THSD4: variants seen among roughly 807,000 people sequenced by gnomAD.
The protein encoded by THSD4 is thrombospondin type 1 domain containing 4, also known as thrombospondin type-1 domain-containing protein 4.
THSD4 carries 69 observed loss-of-function variants against 119.0 expected under a neutral mutation model. That is an observed-to-expected ratio of 0.58 (90% confidence interval 0.48 to 0.71). The LOEUF is 0.71. THSD4 is among the 30% of genes least tolerant of loss of function. The pLI, the probability that THSD4 is intolerant of heterozygous loss-of-function variation, is 0.00. For missense variants in THSD4, 1,393 were observed against 1,391.1 expected (o/e 1.00, Z -0.02); for synonymous variants, 524 against 540.4 (o/e 0.97, Z 0.42).
intron 8 of THSD4, among the ~76,000 whole-genome samples, chr15:71,667,413 CATA>C (rs1317738584): frequency 6.6e-6 from 1 of 152,124 alleles, no homozygotes; most frequent in Non-Finnish European, 1.5e-5. Flanking sequence ...AGAAATCAGA[CATA>C]AAAGCATACC....
chr15:71,383,123 A>G (rs1349316393), intron 6 of THSD4, among the ~76,000 whole-genome samples: 1 of 152,156 alleles, frequency 6.6e-6, no homozygotes, highest in African/African-American at 2.4e-5. Flanking sequence ...GCTTATTATA[A>G]TTTCTGTCTT....
chr15:71,573,601 T>G (rs2049398580), intron 7 of THSD4, among the ~76,000 whole-genome samples: 1 of 152,198 alleles, frequency 6.6e-6, no homozygotes, highest in African/African-American at 2.4e-5. Flanking sequence ...CACCATACTG[T>G]TTTAATGTAA....
At chr15:71,662,715 G>C (rs902044948) in intron 8 of THSD4, among the ~76,000 whole-genome samples, 2 of 152,086 alleles carry the variant, frequency 1.3e-5, no homozygotes, top group African/African-American at 2.4e-5. Flanking sequence ...AGCTCTCGGA[G>C]GCTTGTTGTT....
chr15:71,752,981 A>G (rs2053476061), intron 14 of THSD4, among the ~76,000 whole-genome samples: 1 of 152,246 alleles, frequency 6.6e-6, no homozygotes, highest in Non-Finnish European at 1.5e-5. Flanking sequence ...CACCTGTTAC[A>G]TGCCAGTCAT....
intron 14 of THSD4, among the ~76,000 whole-genome samples, chr15:71,750,719 A>G (rs1027616976): frequency 1.3e-5 from 2 of 152,216 alleles, no homozygotes; most frequent in Non-Finnish European, 1.5e-5. Context: ...GCCATCTGGG[A>G]GGCTCTAACC....
intron 6 of THSD4, among the ~76,000 whole-genome samples, chr15:71,268,893 C>T (rs1264896739): frequency 6.6e-6 from 1 of 152,142 alleles, no homozygotes; most frequent in Non-Finnish European, 1.5e-5. Context: ...GATGAATACA[C>T]CCTTCCAAGA....
intron 8 of THSD4, among the ~76,000 whole-genome samples, chr15:71,727,784 A>C (rs1178328186): frequency 7.8e-6 from 1 of 127,892 alleles, no homozygotes; most frequent in Non-Finnish European, 1.7e-5. Flanking sequence ...AAAAAAGGGG[A>C]GGGCTGGGAG....
intron 8 of THSD4, among the ~76,000 whole-genome samples, chr15:71,720,373 T>C (rs1206214234): frequency 2.0e-5 from 3 of 152,194 alleles, no homozygotes; most frequent in Non-Finnish European, 1.5e-5. Context: ...AACATTAAAA[T>C]AGGAGAACTC....
At chr15:71,689,050 C>G (rs2051986125) in intron 8 of THSD4, among the ~76,000 whole-genome samples, 2 of 152,224 alleles carry the variant, frequency 1.3e-5, no homozygotes, top group Admixed American at 1.3e-4. Flanking sequence ...TCCCCACACT[C>G]TGCAACTGTA....
intron 7 of THSD4, among the ~76,000 whole-genome samples, chr15:71,434,277 C>T (rs2046977734): frequency 6.6e-6 from 1 of 152,028 alleles, no homozygotes; most frequent in South Asian, 2.1e-4. Context: ...TACATGTAAA[C>T]ATAGCATGTA....
intron 6 of THSD4, among the ~76,000 whole-genome samples, chr15:71,309,380 C>T (rs947906773): frequency 3.3e-5 from 5 of 152,142 alleles, no homozygotes; most frequent in African/African-American, 9.7e-5. Context: ...AAAGTGTAAG[C>T]GTTCTTTATA....
chr15:71,545,103 A>G (rs557874623), intron 7 of THSD4, among the ~76,000 whole-genome samples: 1 of 152,348 alleles, frequency 6.6e-6, no homozygotes, highest in Admixed American at 6.5e-5. Flanking sequence ...GCTGCACAAC[A>G]TTGTGAATGT....
intron 6 of THSD4, among the ~76,000 whole-genome samples, chr15:71,306,727 G>C (rs962060625): frequency 6.6e-6 from 1 of 152,168 alleles, no homozygotes; most frequent in Non-Finnish European, 1.5e-5. Context: ...ACAATGCATA[G>C]TGCAGAGTAT....
chr15:71,472,003 C>G (rs545979223), intron 7 of THSD4, among the ~76,000 whole-genome samples: 1 of 152,284 alleles, frequency 6.6e-6, no homozygotes, highest in East Asian at 1.9e-4. Flanking sequence ...CAGCCTCAAC[C>G]TCCTGGGCTC....
intron 15 of THSD4, among the ~76,000 whole-genome samples, chr15:71,760,958 T>A (rs2053618200): frequency 1.3e-5 from 2 of 152,220 alleles, no homozygotes; most frequent in South Asian, 4.1e-4. Context: ...TTTTCAAACG[T>A]TCTATGTATT....
intron 8 of THSD4, among the ~76,000 whole-genome samples, chr15:71,695,970 T>C (rs567721216): frequency 1.3e-5 from 2 of 152,360 alleles, no homozygotes; most frequent in Non-Finnish European, 2.9e-5. Context: ...AAAATGATTG[T>C]GATAACTAAA....
intron 1 of THSD4, among the ~76,000 whole-genome samples, chr15:71,134,644 G>T (rs2040532933): frequency 6.6e-6 from 1 of 152,248 alleles, no homozygotes; most frequent in African/African-American, 2.4e-5. Flanking sequence ...AAGGGCATTT[G>T]TAAAGAGGAC....
intron 6 of THSD4, among the ~76,000 whole-genome samples, chr15:71,373,553 T>C (rs971221276): frequency 1.3e-5 from 2 of 152,198 alleles, no homozygotes; most frequent in Admixed American, 6.5e-5. Context: ...AACCCAACTA[T>C]ATTTTTGGGA....
chr15:71,688,640 A>G (rs2051969741), intron 8 of THSD4, among the ~76,000 whole-genome samples: 1 of 150,560 alleles, frequency 6.6e-6, no homozygotes, highest in Non-Finnish European at 1.5e-5. Flanking sequence ...TCCCTGTTTA[A>G]TCATCTTCAT....
Sources: gnomAD v4.1 joint callset for allele counts (sites outside exome capture counted in the v4.1 genomes callset) on GRCh38, gnomAD v4.1.1 for gene constraint, MANE v1.5 for transcripts, NCBI Gene and HGNC (gene_info 2026-07-23, HGNC 2026-07-21) for gene names.